ESF1: variants seen among roughly 807,000 people sequenced by gnomAD.
ESF1 encodes the protein ESF1 homolog.
In ESF1, 58 loss-of-function variants were observed where a neutral mutation model predicts 92.0. The ratio of observed to expected loss-of-function variants is 0.63; its 90% CI spans 0.51 to 0.78. ESF1 has a LOEUF of 0.78. ESF1 is among the 30% of genes least tolerant of loss of function. ESF1 has a pLI of 0.00. For synonymous variants in ESF1, 321 were observed against 313.7 expected (o/e 1.02, Z -0.24); for missense variants, 922 against 989.1 (o/e 0.93, Z 0.91).
chr20:13,720,346 C>T (rs908374571), intron 11 of ESF1, among the ~76,000 whole-genome samples: 1 of 152,090 alleles, frequency 6.6e-6, no homozygotes, highest in African/African-American at 2.4e-5. Flanking sequence ...CCGCTGGGCA[C>T]TGTACCACCC....
intron 8 of ESF1, among the ~76,000 whole-genome samples, chr20:13,765,572 A>C (rs1205230178): frequency 6.6e-6 from 1 of 152,204 alleles, no homozygotes; most frequent in Non-Finnish European, 1.5e-5. Context: ...CAAGAAGACA[A>C]AAGTTAAAGA....
intron 8 of ESF1, among the ~76,000 whole-genome samples, chr20:13,765,075 T>C (rs1477735351): frequency 2.0e-5 from 3 of 151,896 alleles, no homozygotes; most frequent in Admixed American, 6.6e-5. Flanking sequence ...ACACAAAAAT[T>C]ACCCGGGCAT....
At chr20:13,730,230 A>C (rs553642466) in intron 10 of ESF1, among the ~76,000 whole-genome samples, 122 of 150,580 alleles carry the variant, frequency 8.1e-4, no homozygotes, top group African/African-American at 2.7e-3. Flanking sequence ...CTGCCACCAC[A>C]CCTGGCTAAT....
rs1432186742 is a variant in ESF1 at position 13,782,654 on chromosome 20, G to C, written c.487C>G (p.Gln163Glu). ...SPKKDSKEFTQKNKKEKKNIV... is the reference protein window; with the variant it reads ...SPKKDSKEFTEKNKKEKKNIV... ...TTTTTTTTCTCTTTCTTATTTTTTT[G>C]TGTAAATTCTTTGCTATCCTTCTTC... The change falls in exon 2 of 14, where the codon CAA becomes GAA. Residue 163 changes from glutamine (Q) to glutamate (E), a missense_variant. Gln to Glu is a conservative substitution (Grantham distance 29). Transcript: ENST00000617257. 5.0e-6 allele frequency: 8 copies of C among 1,604,302 alleles called. No homozygotes were observed. In the African/African-American group the frequency reaches 9.4e-5, roughly 19 times the overall value.
At chr20:13,756,071 A>AG (rs1491120247) in intron 9 of ESF1, among the ~76,000 whole-genome samples, 5 of 152,308 alleles carry the variant, frequency 3.3e-5, no homozygotes, top group African/African-American at 1.2e-4. Flanking sequence ...GTTACAGAAA[A>AG]CACACATTTC....
At chr20:13,764,808 G>C (rs1979356202) in intron 8 of ESF1, among the ~76,000 whole-genome samples, 1 of 151,954 alleles carries the variant, frequency 6.6e-6, no homozygotes, top group African/African-American at 2.4e-5. Context: ...AGTTTCAGGG[G>C]TGGCAAACGC....
rs776391917 is a variant in ESF1 at position 13,759,814 on chromosome 20, TTTG to T, written c.1703_1705del (p.Thr568del). ...TTCTTCATCATCCTTCTGACTTTTC[TTTG>T]TTTTCCCATCTTCTTCTACATTGAC... is the stretch of plus-strand genomic sequence containing the variant. On this transcript the variant is annotated inframe_deletion, in exon 9 of 14. Coordinates refer to ENST00000617257, the MANE Select transcript of ESF1 (RefSeq NM_001276380.2). 6.2e-7 allele frequency: 1 copy of T among 1,601,002 alleles called. No individual in the cohort carries two copies. Among genetic ancestry groups the T allele is most frequent in the Non-Finnish European group, 8.5e-7 (1 of 1,176,638 alleles).
chr20:13,715,002 T>C lies in ESF1; in HGVS notation c.2428A>G (p.Lys810Glu), dbSNP rs2049813805. 6.2e-7 allele frequency: 1 copy of C among 1,614,088 alleles called. No homozygotes were observed. Among genetic ancestry groups the C allele is most frequent in the Admixed American group, 1.7e-5 (1 of 60,010 alleles). Residue 810 changes from lysine to glutamate, a missense_variant, in exon 14 of 14, where the codon AAA becomes GAA. By Grantham distance (56) the Lys-to-Glu change is moderately conservative (BLOSUM62 1). Coordinates refer to ENST00000617257, the MANE Select transcript of ESF1 (RefSeq NM_001276380.2). ...KEQELTQAIK[K>E]KESEIEKESQ... ...TCCTTTTCAATCTCACTCTCTTTTT[T>C]CTTTATTGCCTGAGTAAGTTCTTGT...
intron 9 of ESF1, among the ~76,000 whole-genome samples, chr20:13,759,008 C>A (rs1979029658): frequency 6.6e-6 from 1 of 152,136 alleles, no homozygotes; most frequent in Non-Finnish European, 1.5e-5. Context: ...ACAACACCAA[C>A]AATAAAACAG....
chr20:13,751,953 C>T (rs922356659), intron 9 of ESF1, among the ~76,000 whole-genome samples: 1 of 151,972 alleles, frequency 6.6e-6, no homozygotes, highest in African/African-American at 2.4e-5. Context: ...CAAGATAGCA[C>T]CACTGCACTC....
chr20:13,729,491 T>A (rs898134677), intron 10 of ESF1, among the ~76,000 whole-genome samples: 2 of 152,118 alleles, frequency 1.3e-5, no homozygotes, highest in African/African-American at 4.8e-5. Context: ...AAGGAGAAGA[T>A]CTGAAGGAGA....
chr20:13,782,743 T>A lies in ESF1; in HGVS notation c.398A>T (p.Asn133Ile), dbSNP rs1381920960. The A allele has an allele frequency of 2.5e-6, 4 of 1,594,332 alleles. No homozygotes were observed. Among genetic ancestry groups the A allele is most frequent in the African/African-American group, 1.4e-5 (1 of 73,448 alleles). The change falls in exon 2 of 14, where the codon AAT becomes ATT. Residue 133 changes from asparagine (N) to isoleucine (I), a missense_variant. Asn to Ile is a moderately radical substitution (Grantham distance 149). Transcript: ENST00000617257. ...KGSENKTDLD[N>I]SIGIKKMKTS... is the part of the protein sequence containing the mutation. ...TTTCATTTTTTTAATTCCTATAGAA[T>A]TATCTAAATCAGTTTTATTTTCAGA... is the stretch of plus-strand genomic sequence containing the variant.
chr20:13,775,451 C>A (rs1979887672), intron 3 of ESF1, among the ~76,000 whole-genome samples, 181 bp from the exon 4 acceptor site: 1 of 152,086 alleles, frequency 6.6e-6, no homozygotes, highest in Admixed American at 6.5e-5. Flanking sequence ...AATAGTAAAA[C>A]CATAACAGGT....
intron 9 of ESF1, among the ~76,000 whole-genome samples, chr20:13,759,141 A>G (rs1979039094): frequency 6.6e-6 from 1 of 152,224 alleles, no homozygotes; most frequent in South Asian, 2.1e-4. Context: ...AAAAGGGGCA[A>G]CTGCTGTTTA....
intron 10 of ESF1, among the ~76,000 whole-genome samples, chr20:13,732,668 TAATTTTAAGATTCCCCAAGCTGC>T (rs1173760852): frequency 6.6e-6 from 1 of 152,154 alleles, no homozygotes; most frequent in Non-Finnish European, 1.5e-5. Context: ...CTAGAATTAA[TAATTTTAAGATTCCCCAAGCTGC>T]AAAATTTTGT....
At chr20:13,766,620 A>G (rs1376066357) in intron 8 of ESF1, among the ~76,000 whole-genome samples, 157 bp downstream of exon 8, 1 of 152,224 alleles carries the variant, frequency 6.6e-6, no homozygotes, top group African/African-American at 2.4e-5. Context: ...AAAGAAATTC[A>G]GGCAAAGAAA....
At chr20:13,730,975 G>A (rs964524589) in intron 10 of ESF1, among the ~76,000 whole-genome samples, 27 of 152,024 alleles carry the variant, frequency 1.8e-4, no homozygotes, top group African/African-American at 6.3e-4. Flanking sequence ...TATATACAAA[G>A]AACCTGTGGA....
intron 9 of ESF1, among the ~76,000 whole-genome samples, chr20:13,734,325 T>G (rs2049962615): frequency 6.6e-6 from 1 of 152,192 alleles, no homozygotes; most frequent in African/African-American, 2.4e-5. Flanking sequence ...CTACAGGTTT[T>G]GAACAAAAAT....
chr20:13,733,618 T>A, intron 10 of ESF1, 103 bp downstream of exon 10: 3 of 1,241,636 alleles, frequency 2.4e-6, no homozygotes, highest in Non-Finnish European at 3.3e-6. Context: ...AAGGCCTACT[T>A]CAGTGAGTGG....
Sources: gnomAD v4.1 joint callset for allele counts (sites outside exome capture counted in the v4.1 genomes callset) on GRCh38, gnomAD v4.1.1 for gene constraint, MANE v1.5 for transcripts, NCBI Gene and HGNC (gene_info 2026-07-23, HGNC 2026-07-21) for gene names.